Variants in OSBP2 observed in about 807,000 individuals in gnomAD.
OSBP2 encodes the protein oxysterol-binding protein 2.
OSBP2 carries 66 observed loss-of-function variants against 96.0 expected under a neutral mutation model. The observed-to-expected ratio is 0.69, with a 90% confidence interval of 0.56 to 0.84. The LOEUF (loss-of-function observed/expected upper bound fraction) is 0.84. Among genes scored for constraint, OSBP2 ranks in the 40% least tolerant of loss-of-function variants. OSBP2 has a pLI of 0.00. For synonymous variants in OSBP2, 525 were observed against 520.9 expected, an observed-to-expected ratio of 1.01 and a Z score of -0.11; for missense variants, 1,038 against 1,222.7, an observed-to-expected ratio of 0.85 and a Z score of 2.25.
chr22:30,906,358 A>G lies in OSBP2; in HGVS notation c.*19A>G, dbSNP rs551036622. On this transcript the variant is annotated 3_prime_UTR_variant, in exon 14 of 14. Coordinates refer to ENST00000332585, the MANE Select transcript of OSBP2 (RefSeq NM_030758.4). ...CTTCTGAGCGCCACCCTTGCAACAA[A>G]TACAGGCGCCTGCACAGCCTGGCCC... 1 of 1,582,406 alleles carries G rather than the reference A, an allele frequency of 6.3e-7. No individual in the cohort carries two copies. The highest frequency in any genetic ancestry group is 2.3e-5 in the East Asian group (1 of 44,424).
chr22:30,857,702 G>C (rs2147076895), intron 2 of OSBP2, among the ~76,000 whole-genome samples: 1 of 152,354 alleles, frequency 6.6e-6, no homozygotes, highest in African/African-American at 2.4e-5. Context: ...TGAAGGTTAA[G>C]ATGTTACGTA....
chr22:30,855,195 T>C (rs1400412644), intron 2 of OSBP2, among the ~76,000 whole-genome samples: 3 of 152,188 alleles, frequency 2.0e-5, no homozygotes, highest in Non-Finnish European at 4.4e-5. Context: ...TGAAAATATC[T>C]TTTTCCCCTT....
At chr22:30,730,747 TC>T (rs2089742948) in intron 1 of OSBP2, among the ~76,000 whole-genome samples, 1 of 41,382 alleles carries the variant, frequency 2.4e-5, no homozygotes, top group Non-Finnish European at 4.7e-5. Context: ...TCTCTCTCTC[TC>T]TCTCTCTCTC....
At chr22:30,803,519 G>A (rs1463828765) in intron 2 of OSBP2, among the ~76,000 whole-genome samples, 5 of 152,188 alleles carry the variant, frequency 3.3e-5, no homozygotes, top group African/African-American at 1.2e-4. Context: ...CCCGTCTCTG[G>A]TCTCTGTTCA....
chr22:30,851,860 G>A (rs1212284556), intron 2 of OSBP2, among the ~76,000 whole-genome samples: 1 of 152,040 alleles, frequency 6.6e-6, no homozygotes, highest in African/African-American at 2.4e-5. Flanking sequence ...TTTTTATCCG[G>A]AAGGGTTATT....
intron 2 of OSBP2, among the ~76,000 whole-genome samples, chr22:30,846,421 G>A (rs1197324433): frequency 3.3e-5 from 5 of 152,096 alleles, no homozygotes; most frequent in African/African-American, 1.2e-4. Flanking sequence ...AAAGTGCTGG[G>A]ATTACAGGTG....
chr22:30,900,625 C>T (rs1454854743), intron 12 of OSBP2, among the ~76,000 whole-genome samples: 1 of 151,794 alleles, frequency 6.6e-6, no homozygotes, highest in Non-Finnish European at 1.5e-5. Context: ...CAGAAACAGA[C>T]CCATGGATAT....
intron 3 of OSBP2, among the ~76,000 whole-genome samples, chr22:30,885,316 G>C (rs4820911): frequency 0.044 from 6,703 of 152,260 alleles, 192 homozygotes; most frequent in Middle Eastern, 0.11. Flanking sequence ...CTGGCTTCAA[G>C]AATGTGTCCA....
chr22:30,794,701 G>A (rs2090731357), intron 2 of OSBP2, among the ~76,000 whole-genome samples: 1 of 151,132 alleles, frequency 6.6e-6, no homozygotes, highest in South Asian at 2.1e-4. Flanking sequence ...GGAGGCTGAG[G>A]TGGAAGGATC....
intron 2 of OSBP2, among the ~76,000 whole-genome samples, chr22:30,790,406 G>A (rs557202616): frequency 3.3e-5 from 5 of 152,202 alleles, no homozygotes; most frequent in East Asian, 3.9e-4. Context: ...CACATGATCC[G>A]TGATGGATTT....
chr22:30,907,634 A>T lies in OSBP2; in HGVS notation c.*1295A>T, dbSNP rs11704151. On this transcript the variant is annotated 3_prime_UTR_variant, in exon 14 of 14. Coordinates refer to ENST00000332585, the MANE Select transcript of OSBP2 (RefSeq NM_030758.4). ...GACTGGTTTTGTTTTTATATATATA[A>T]AAAAAAAAAGTGAAAACACCAATGT... The T allele has an allele frequency of 0.021, 3,162 of 149,902 alleles. 55 individuals are homozygous for T. The highest frequency in any genetic ancestry group is 0.032 in the Non-Finnish European group (2,147 of 67,110). The allele number at this position is 149,902 out of a possible 1,614,324, so 9.3% of individuals were successfully genotyped here.
In OSBP2 at chr22:30,695,242, C is replaced by T. The variant is rs2145655988; in HGVS notation, c.333C>T (p.Ser111=). ...LQGSRPGSES[S]SGVGAGPFTK... Reference sequence around the variant, plus strand: ...GGTCGCGGCCGGGGTCAGAGTCAAGCTCAGGTGTAGGGGCTGGGCCCTTCA... The same window carrying T: ...GGTCGCGGCCGGGGTCAGAGTCAAGTTCAGGTGTAGGGGCTGGGCCCTTCA... The change falls in exon 1 of 14, where the codon AGC becomes AGT. Residue 111 remains serine, a synonymous_variant. Coordinates refer to ENST00000332585, the MANE Select transcript of OSBP2 (RefSeq NM_030758.4). The T allele has an allele frequency of 6.2e-7, 1 of 1,613,540 alleles. No individual in the cohort carries two copies.
chr22:30,708,890 C>T (rs1032556120), intron 1 of OSBP2, among the ~76,000 whole-genome samples: 2 of 151,660 alleles, frequency 1.3e-5, no homozygotes, highest in African/African-American at 4.8e-5. Flanking sequence ...CACCTGAGGT[C>T]AGGAGTTCGA....
intron 2 of OSBP2, among the ~76,000 whole-genome samples, chr22:30,859,767 T>G (rs1163360250): frequency 6.6e-6 from 1 of 152,094 alleles, no homozygotes; most frequent in African/African-American, 2.4e-5. Flanking sequence ...CAAACTGAAT[T>G]TGTGTTATGT....
In OSBP2 at chr22:30,890,743, C is replaced by A. The variant is rs887083841; in HGVS notation, c.1639C>A (p.Pro547Thr). The change falls in exon 8 of 14, where the codon CCC becomes ACC. Residue 547 changes from proline to threonine, a missense_variant. Pro to Thr is a conservative substitution (Grantham distance 38, BLOSUM62 -1). Coordinates refer to ENST00000332585, the MANE Select transcript of OSBP2 (RefSeq NM_030758.4). This position sits in a 1 kb window ranked among gnomAD's most constrained non-coding sequence, Gnocchi z 4.4. ...RIPMPVNFNE[P>T]LSMLQRLTED... ...CCACCCACAGGTGAACTTCAATGAG[C>A]CCCTGTCCATGCTCCAGCGGCTGAC... The A allele has an allele frequency of 1.2e-6, 2 of 1,612,716 alleles. No individual in the cohort carries two copies. The highest frequency in any genetic ancestry group is 1.7e-5 in the Admixed American group (1 of 60,020).
At chr22:30,879,404 T>C (rs928979855) in intron 3 of OSBP2, among the ~76,000 whole-genome samples, 2 of 152,248 alleles carry the variant, frequency 1.3e-5, no homozygotes, top group African/African-American at 4.8e-5. Context: ...TTTAAAGTTT[T>C]AATTGGACTG....
chr22:30,705,474 G>A (rs962649572), intron 1 of OSBP2, among the ~76,000 whole-genome samples: 2 of 152,038 alleles, frequency 1.3e-5, no homozygotes, highest in African/African-American at 4.8e-5. Flanking sequence ...TGTATTTTTA[G>A]TAGAGTCGGG....
At chr22:30,725,717 A>G (rs2089638371) in intron 1 of OSBP2, among the ~76,000 whole-genome samples, 1 of 151,906 alleles carries the variant, frequency 6.6e-6, no homozygotes, top group African/African-American at 2.4e-5. Context: ...ACTTGATAAT[A>G]CTTGATAAAT....
intron 2 of OSBP2, among the ~76,000 whole-genome samples, chr22:30,790,231 G>A (rs1452871296): frequency 6.6e-6 from 1 of 152,062 alleles, no homozygotes; most frequent in Non-Finnish European, 1.5e-5. Flanking sequence ...CAGGGATTCC[G>A]GGTTCAGGAA....
Sources: allele counts gnomAD v4.1 joint callset (sites outside exome capture counted in the v4.1 genomes callset), GRCh38; gene constraint gnomAD v4.1.1; non-coding constraint Gnocchi (gnomAD v3.1); transcripts MANE v1.5; gene names NCBI Gene and HGNC (gene_info 2026-07-23, HGNC 2026-07-21).